The following WNT10A variants were observed in gnomAD, a reference collection of about 807,000 sequenced individuals.
WNT10A encodes Wnt family member 10A, also known as protein Wnt-10a.
Under a neutral mutation model 36.1 loss-of-function variants are expected in WNT10A, and 37 were observed. The observed-to-expected ratio is 1.02, with a 90% CI of 0.79 to 1.35. The LOEUF is 1.35. Ranked by LOEUF, WNT10A falls within the 40% of genes most tolerant of loss-of-function variation. The probability of loss-of-function intolerance (pLI) is 0.00; values close to 1 mark genes in which losing one functional copy is unlikely to be tolerated. For synonymous variants in WNT10A, 255 were observed against 254.1 expected (o/e 1.00, Z -0.03); for missense variants, 613 against 601.4 (o/e 1.02, Z -0.20).
intron 3 of WNT10A, among the ~76,000 whole-genome samples, chr2:218,891,794 A>G (rs1944653950): frequency 6.6e-6 from 1 of 152,106 alleles, no homozygotes; most frequent in Non-Finnish European, 1.5e-5. Flanking sequence ...GCCCTCTCTT[A>G]TGGCCCTACT....
rs1351117506 is a variant in WNT10A at position 218,892,793 on chromosome 2, G to A, written c.776G>A (p.Arg259Gln). The A allele has an allele frequency of 6.3e-7, 1 of 1,595,762 alleles. No individual in the cohort carries two copies. Among genetic ancestry groups the A allele is most frequent in the Non-Finnish European group, 8.5e-7 (1 of 1,172,516 alleles). Reference sequence around the variant, plus strand: ...CCGCAGGCAGTGATGGAGAACATGCGGCGGAAGTGCAAGTGCCACGGCACG... The same window carrying A: ...CCGCAGGCAGTGATGGAGAACATGCAGCGGAAGTGCAAGTGCCACGGCACG... ...VGRQAVMENM[R>Q]RKCKCHGTSG... Residue 259 changes from arginine to glutamine, a missense_variant, in exon 4 of 4, where the codon CGG becomes CAG. Arg to Gln is a conservative substitution (Grantham distance 43). Coordinates refer to ENST00000258411, the MANE Select transcript of WNT10A (RefSeq NM_025216.3).
upstream of WNT10A, among the ~76,000 whole-genome samples, chr2:218,877,735 T>C (rs564395826): frequency 1.3e-5 from 2 of 152,314 alleles, no homozygotes; most frequent in East Asian, 3.9e-4. This position sits in a 1 kb window ranked among gnomAD's most constrained non-coding sequence, Gnocchi z 4.1. Context: ...TCCCTTTCAA[T>C]GACCAAACAC....
At chr2:218,877,819 C>T (rs1236051971), upstream of WNT10A, among the ~76,000 whole-genome samples, 2 of 152,172 alleles carry the variant, frequency 1.3e-5, no homozygotes, top group African/African-American at 2.4e-5. This position sits in a 1 kb window ranked among gnomAD's most constrained non-coding sequence, Gnocchi z 4.1. Flanking sequence ...CCTCTGAGGC[C>T]TGGACAATGG....
intron 1 of WNT10A, 75 bp downstream of exon 1, chr2:218,881,183 T>G (rs1008035339): frequency 5.8e-6 from 9 of 1,541,266 alleles, no homozygotes; most frequent in Admixed American, 2.0e-5. Flanking sequence ...ATGCTCTTGC[T>G]GGGGTAGAGG....
At chr2:218,887,538 C>T (rs539911197) in intron 2 of WNT10A, among the ~76,000 whole-genome samples, 1 of 152,178 alleles carries the variant, frequency 6.6e-6, no homozygotes, top group African/African-American at 2.4e-5. Flanking sequence ...AGGTTCCAGC[C>T]CCATCCCCAG....
In WNT10A at chr2:218,881,067, G is replaced by A. The variant is rs772447299; in HGVS notation, c.72G>A (p.Val24=). ...PQPQPRPALW[V]LLFFLLLLAA... ...CCCAGCCGCGGCCAGCGCTCTGGGT[G>A]CTCCTGTTCTTCCTACTGCTGCTGG... The change falls in exon 1 of 4, where the codon GTG becomes GTA. Residue 24 remains valine (V), a synonymous_variant. Coordinates refer to ENST00000258411, the MANE Select transcript of WNT10A (RefSeq NM_025216.3). 10 of 1,605,528 alleles carry A rather than the reference G, an allele frequency of 6.2e-6. No homozygotes were observed. The African/African-American group carries it at 1.2e-4, about 19-fold the overall frequency.
At position 218,892,769 on chromosome 2, in the gene WNT10A, C is replaced by T; in HGVS notation, c.757-5C>T. ...TGTCACCCCTCACGGTGCCTCCCTC[C>T]GCAGGCAGTGATGGAGAACATGCGG... On this transcript the variant is annotated splice_region_variant and splice_polypyrimidine_tract_variant and intron_variant, in intron 3 of 3. Coordinates refer to ENST00000258411, the MANE Select transcript of WNT10A (RefSeq NM_025216.3). 1 of 1,584,284 alleles carries T rather than the reference C, an allele frequency of 6.3e-7. No homozygotes were observed. Among genetic ancestry groups the T allele is most frequent in the Non-Finnish European group, 8.6e-7 (1 of 1,166,378 alleles).
rs527886108 is a variant in WNT10A, at chr2:218,881,631, C to T, written c.113+523C>T. Among the ~76,000 whole-genome samples, 158 of 152,030 alleles carry T rather than the reference C, an allele frequency of 1.0e-3. 1 individual carries two copies. The highest frequency in any genetic ancestry group is 3.3e-3 in the African/African-American group (136 of 41,390). ...GTAAACAGTAGTTTGTATGTGTGCC[C>T]ATGTGTGCATGTGAGAGCTCATGGG... On this transcript the variant is annotated intron_variant, in intron 1 of 3. Transcript: ENST00000258411.
intron 2 of WNT10A, chr2:218,884,417 A>T (rs1944556360): frequency 6.6e-6 from 1 of 151,898 alleles, no homozygotes; most frequent in South Asian, 2.1e-4. Flanking sequence ...CAGCATGGGG[A>T]GGGAGTGGGA....
At chr2:218,886,875 A>G (rs568519918) in intron 2 of WNT10A, among the ~76,000 whole-genome samples, 46 of 152,330 alleles carry the variant, frequency 3.0e-4, no homozygotes, top group Middle Eastern at 3.4e-3. Flanking sequence ...GCACGTGGCT[A>G]TGACAGCTGT....
chr2:218,890,173 G>A lies in WNT10A; in HGVS notation c.566G>A (p.Ser189Asn), dbSNP rs1313500684. 6.2e-7 allele frequency: 1 copy of A among 1,614,012 alleles called. No homozygotes were observed. ...GCACTGCAGCGTGGTAAGGGCCTGA[G>A]CCATGGGGTCCCGGAACACCCAGCC... is the stretch of plus-strand genomic sequence containing the variant. ...LDALQRGKGLSHGVPEHPALP... is the reference protein window; with the variant it reads ...LDALQRGKGLNHGVPEHPALP... Residue 189 changes from serine (S) to asparagine (N), a missense_variant, in exon 3 of 4, where the codon AGC (serine) becomes AAC (asparagine). Physicochemically the swap from Ser to Asn is conservative, Grantham distance 46. Transcript: ENST00000258411.
chr2:218,880,670 GC>G (rs1944500062), upstream of WNT10A: 1 of 281,838 alleles, frequency 3.5e-6, no homozygotes, highest in African/African-American at 2.3e-5. This position sits in a 1 kb window ranked among gnomAD's most constrained non-coding sequence, Gnocchi z 7.7. Context: ...CCCGTCCCCA[GC>G]CCGCTGCACC....
chr2:218,883,744 C>G (rs1311871596), intron 2 of WNT10A: 1 of 151,834 alleles, frequency 6.6e-6, no homozygotes, highest in Non-Finnish European at 1.5e-5. Context: ...CCCCCTCCCG[C>G]CCCACCGCCG....
chr2:218,885,009 C>T (rs1391772296), intron 2 of WNT10A, among the ~76,000 whole-genome samples: 1 of 152,148 alleles, frequency 6.6e-6, no homozygotes, highest in Non-Finnish European at 1.5e-5. Context: ...ACCTAATTGT[C>T]CTGACACCTT....
intron 2 of WNT10A, among the ~76,000 whole-genome samples, chr2:218,886,731 C>T (rs1020310542): frequency 7.9e-5 from 12 of 150,994 alleles, no homozygotes; most frequent in African/African-American, 2.9e-4. Context: ...CTGTGTCTGC[C>T]CCAGACAGCT....
intron 2 of WNT10A, among the ~76,000 whole-genome samples, chr2:218,883,618 C>T (rs1348731802): frequency 6.6e-6 from 1 of 151,192 alleles, no homozygotes; most frequent in Non-Finnish European, 1.5e-5. Context: ...CGAGCCCAGC[C>T]CGACGCGTGT....
chr2:218,887,538 C>G lies in WNT10A; in HGVS notation c.377-2446C>G, dbSNP rs539911197. 1.1e-4 allele frequency among the ~76,000 whole-genome samples: 17 copies of G among 152,296 alleles called. No individual in the cohort carries two copies. The East Asian group carries it at 3.1e-3, about 28-fold the overall frequency. The stretch of plus-strand genomic sequence containing the variant: ...CAGCATCCCCATAGAAGGTTCCAGC[C>G]CCATCCCCAGCCCCTCTTCTCTGCT... On this transcript the variant is annotated intron_variant, in intron 2 of 3. Coordinates refer to ENST00000258411, the MANE Select transcript of WNT10A (RefSeq NM_025216.3).
In WNT10A at chr2:218,882,184, A is replaced by G. The variant is rs1386895450; in HGVS notation, c.137A>G (p.Asp46Gly). ...MPRSAPNDILDLRLPPEPVLN... is the reference protein window; with the variant it reads ...MPRSAPNDILGLRLPPEPVLN... ...AGGTCAGCACCCAATGACATTCTGGACCTCCGCCTCCCCCCGGAGCCCGTG... is the reference window on the plus strand; with the variant it reads ...AGGTCAGCACCCAATGACATTCTGGGCCTCCGCCTCCCCCCGGAGCCCGTG... The change falls in exon 2 of 4, where the codon GAC (aspartate) becomes GGC (glycine). Residue 46 changes from aspartate (D) to glycine (G), a missense_variant. By Grantham distance (94) the Asp-to-Gly change is moderately conservative. Transcript: ENST00000258411. 5.6e-6 allele frequency: 9 copies of G among 1,613,684 alleles called. No individual in the cohort carries two copies. Among genetic ancestry groups the G allele is most frequent in the African/African-American group, 4.0e-5 (3 of 74,836 alleles).
chr2:218,893,096 G>T lies in WNT10A; in HGVS notation c.1079G>T (p.Arg360Leu), dbSNP rs893127185. 2.5e-6 allele frequency: 4 copies of T among 1,596,452 alleles called. No individual in the cohort carries two copies. Among genetic ancestry groups the T allele is most frequent in the Non-Finnish European group, 3.4e-6 (4 of 1,179,182 alleles). ...PRLDSAGTVGRLCNKSSAGSD... is the reference protein window; with the variant it reads ...PRLDSAGTVGLLCNKSSAGSD... ...CTGGACTCGGCGGGCACCGTGGGCC[G>T]CCTGTGCAACAAGAGCAGCGCCGGC... The change falls in exon 4 of 4, where the codon CGC becomes CTC. Residue 360 changes from arginine to leucine, a missense_variant. Transcript: ENST00000258411. This position sits in a 1 kb window ranked among gnomAD's most constrained non-coding sequence, Gnocchi z 6.3.
Sources: allele counts gnomAD v4.1 joint callset (sites outside exome capture counted in the v4.1 genomes callset), GRCh38; gene constraint gnomAD v4.1.1; non-coding constraint Gnocchi (gnomAD v3.1); transcripts MANE v1.5; gene names NCBI Gene and HGNC (gene_info 2026-07-23, HGNC 2026-07-21).